Variants in NOBOX observed in about 807,000 individuals in gnomAD.
NOBOX encodes homeobox protein NOBOX.
In NOBOX, 46 loss-of-function variants were observed where a neutral mutation model predicts 60.2. The observed-to-expected ratio is 0.76, with a 90% CI of 0.60 to 0.98. The LOEUF is 0.98. Among genes scored for constraint, NOBOX ranks in the 50% least tolerant of loss-of-function variants. The pLI is 0.00. For synonymous variants in NOBOX, 360 were observed against 346.3 expected, an observed-to-expected ratio of 1.04 and a Z score of -0.44; for missense variants, 880 against 865.5, an observed-to-expected ratio of 1.02 and a Z score of -0.21.
intron 2 of NOBOX, among the ~76,000 whole-genome samples, chr7:144,403,363 G>A (rs139626134): frequency 1.3e-5 from 2 of 152,118 alleles, no homozygotes; most frequent in Admixed American, 6.5e-5. Flanking sequence ...AGAAGGGGAC[G>A]GGTGTCAGAC....
chr7:144,397,299 C>T lies in NOBOX; in HGVS notation c.2017G>A (p.Asp673Asn). ...GCCTCCTCCAGTGCTGAGGGCTGAT[C>T]CAGGGAAGCAGCTGGTGGTTCCTCT... Residue 673 changes from aspartate to asparagine, a missense_variant, in exon 10 of 10, where the codon GAT becomes AAT. Transcript: ENST00000467773. The T allele has an allele frequency of 2.0e-6, 3 of 1,537,280 alleles. No individual in the cohort carries two copies. Among genetic ancestry groups the T allele is most frequent in the Non-Finnish European group, 2.6e-6 (3 of 1,146,902 alleles).
rs780790681 is a variant in NOBOX at position 144,399,867 on chromosome 7, T to TG, written c.1048-5dup. 9 of 1,606,070 alleles carry TG rather than the reference T, an allele frequency of 5.6e-6. No homozygotes were observed. The highest frequency in any genetic ancestry group is 1.1e-5 in the South Asian group (1 of 90,466). On this transcript the variant is annotated splice_region_variant and splice_polypyrimidine_tract_variant and intron_variant, in intron 5 of 9. Coordinates refer to ENST00000467773, the MANE Select transcript of NOBOX (RefSeq NM_001080413.3). ...CCCGGCGATTCTGGAACCACACCTA[T>TG]GGGGGGAAAGGTGCTTGAAGAACTG... is the stretch of plus-strand genomic sequence containing the variant.
Position 144,397,504 on chromosome 7 carries a change from C to A in NOBOX, c.1812G>T (p.Leu604=), listed in dbSNP as rs1189928516. The A allele has an allele frequency of 6.5e-7, 1 of 1,535,672 alleles. No homozygotes were observed. The highest frequency in any genetic ancestry group is 8.7e-7 in the Non-Finnish European group (1 of 1,145,910). The change falls in exon 10 of 10, where the codon CTG becomes CTT. Residue 604 remains leucine, a synonymous_variant. Transcript: ENST00000467773. ...GTGGGCAGAACGGACCAGGGAAGGG[C>A]AGCTCTGGCAAACAGGGGTCACTCC...
At chr7:144,407,004 AT>A (rs376391102) in intron 1 of NOBOX, among the ~76,000 whole-genome samples, 18,787 of 145,508 alleles carry the variant, frequency 0.13, 1,441 homozygotes, top group South Asian at 0.23. Flanking sequence ...TTAATTTTTA[AT>A]TTTTTTTTTT....
At chr7:144,400,422 A>G in intron 4 of NOBOX, 110 bp from the exon 3 acceptor site, 1 of 921,748 alleles carries the variant, frequency 1.1e-6, no homozygotes, top group Admixed American at 2.3e-5. Context: ...ACTGCCCCTA[A>G]CCCAACACTT....
Position 144,399,137 on chromosome 7 carries a change from T to A in NOBOX, c.1282A>T (p.Thr428Ser). Residue 428 changes from threonine to serine, a missense_variant, in exon 8 of 10, where the codon ACC becomes TCC. Thr to Ser is a moderately conservative substitution (Grantham distance 58). Coordinates refer to ENST00000467773, the MANE Select transcript of NOBOX (RefSeq NM_001080413.3). ...CTCTGAGCACCCTCACTGGGTTGGG[T>A]GGGGGCCAAAGTCTGGTCAGAAGTC... 1 of 1,566,510 alleles carries A rather than the reference T, an allele frequency of 6.4e-7. No individual in the cohort carries two copies.
chr7:144,404,289 C>T (rs1241400172), intron 2 of NOBOX, among the ~76,000 whole-genome samples: 3 of 152,234 alleles, frequency 2.0e-5, no homozygotes, highest in African/African-American at 7.2e-5. Flanking sequence ...TGCTCTGTCG[C>T]CCAGGCTGGA....
intron 2 of NOBOX, 135 bp from the exon 1 acceptor site, chr7:144,403,828 TCACCCC>T (rs1312106806): frequency 5.4e-6 from 2 of 370,930 alleles, no homozygotes; most frequent in Non-Finnish European, 9.7e-6. Flanking sequence ...CTGCGCCCCC[TCACCCC>T]CACCCCCACC....
rs1429609193 is a variant in NOBOX, at chr7:144,410,142, C to A, written c.85+1G>T. On this transcript the variant is annotated splice_donor_variant, in intron 1 of 9. Coordinates refer to ENST00000467773, the MANE Select transcript of NOBOX (RefSeq NM_001080413.3). LOFTEE classifies it high-confidence loss of function. ...CTGTTGCTTCCAGGACATGAGCTCA[C>A]CCTCCTGGGCTTTGAAGCCATCCTT... The A allele has an allele frequency of 3.9e-6, 6 of 1,555,842 alleles. No homozygotes were observed.
At chr7:144,405,341 T>C (rs1216403281) in intron 1 of NOBOX, among the ~76,000 whole-genome samples, 1 of 152,176 alleles carries the variant, frequency 6.6e-6, no homozygotes, top group African/African-American at 2.4e-5. Context: ...CAGGACCATT[T>C]GGTGGCGACA....
intron 1 of NOBOX, among the ~76,000 whole-genome samples, chr7:144,405,765 G>T (rs1293079928): frequency 6.6e-6 from 1 of 152,088 alleles, no homozygotes; most frequent in East Asian, 1.9e-4. Flanking sequence ...AATTTCTTAG[G>T]GAATTTGTTT....
Position 144,401,171 on chromosome 7 carries a change from C to T in NOBOX, c.719G>A (p.Gly240Glu). 1.2e-6 allele frequency: 2 copies of T among 1,613,120 alleles called. No homozygotes were observed. Among genetic ancestry groups the T allele is most frequent in the South Asian group, 1.1e-5 (1 of 90,980 alleles). The stretch of plus-strand genomic sequence containing the variant: ...GAGGAGATTGGCCAGGTGGCAGGGC[C>T]CCCGGCCTGACCCACAGGGCACTGG... The change falls in exon 4 of 10, where the codon GGG becomes GAG. Residue 240 changes from glycine (G) to glutamate (E), a missense_variant. Transcript: ENST00000467773. The surrounding 1 kb of genome is among the most constrained non-coding windows in gnomAD (Gnocchi z 4.2).
chr7:144,400,589 G>A (rs1044921393), intron 4 of NOBOX, among the ~76,000 whole-genome samples: 12 of 152,218 alleles, frequency 7.9e-5, no homozygotes, highest in Admixed American at 2.0e-4. Context: ...CCAGGCTGGA[G>A]TGCAGTGGCG....
At chr7:144,400,052 G>A in intron 5 of NOBOX, 154 bp downstream of exon 3, 8 of 1,547,374 alleles carry the variant, frequency 5.2e-6, no homozygotes, top group African/African-American at 1.4e-5. Flanking sequence ...CTCAGGCTGT[G>A]GCACTCTGGA....
intron 1 of NOBOX, among the ~76,000 whole-genome samples, chr7:144,406,408 T>A (rs1372786484): frequency 1.3e-5 from 2 of 151,928 alleles, no homozygotes; most frequent in African/African-American, 2.4e-5. Flanking sequence ...AAATACAAAA[T>A]TTAGCTGGGT....
intron 6 of NOBOX, 128 bp from the exon 5 acceptor site, chr7:144,399,610 A>G: frequency 8.9e-7 from 1 of 1,120,060 alleles, no homozygotes; most frequent in East Asian, 2.6e-5. Context: ...TCCCGATCCC[A>G]TGGCAGCCAA....
chr7:144,406,796 G>C (rs982789159), intron 1 of NOBOX, among the ~76,000 whole-genome samples: 1 of 152,154 alleles, frequency 6.6e-6, no homozygotes, highest in African/African-American at 2.4e-5. Context: ...TCAAGTGAAG[G>C]AGGTTTGCTA....
At chr7:144,397,582 A>G in intron 9 of NOBOX, 41 bp from the exon 8 acceptor site, 1 of 1,447,344 alleles carries the variant, frequency 6.9e-7, no homozygotes, top group Non-Finnish European at 9.2e-7. Flanking sequence ...GACAGGATGG[A>G]GAGTATCAAC....
At chr7:144,403,308 GGTGCTCC>G (rs2053956218) in intron 2 of NOBOX, among the ~76,000 whole-genome samples, 2 of 152,090 alleles carry the variant, frequency 1.3e-5, no homozygotes, top group African/African-American at 4.8e-5. Flanking sequence ...CAGCACTGTG[GGTGCTCC>G]GTAAGCACGT....
Sources: gnomAD v4.1 joint callset for allele counts (sites outside exome capture counted in the v4.1 genomes callset) on GRCh38, gnomAD v4.1.1 for gene constraint, Gnocchi (gnomAD v3.1) non-coding constraint, MANE v1.5 for transcripts, NCBI Gene and HGNC (gene_info 2026-07-23, HGNC 2026-07-21) for gene names.